The following QKI variants were observed in gnomAD, a reference collection of about 807,000 sequenced individuals.
The protein encoded by QKI is QKI, KH domain containing RNA binding.
QKI carries 10 observed loss-of-function variants against 39.0 expected under a neutral mutation model. The ratio of observed to expected loss-of-function variants is 0.26; its 90% confidence interval spans 0.16 to 0.43. QKI has a LOEUF of 0.43. QKI is among the 20% of genes least tolerant of loss of function. QKI has a pLI of 1.00. For synonymous variants in QKI, 204 were observed against 155.4 expected, an observed-to-expected ratio of 1.31 and a Z score of -2.33; for missense variants, 218 against 428.0, an observed-to-expected ratio of 0.51 and a Z score of 4.33.
At chr6:163,539,222 G>A (rs1349176023) in intron 4 of QKI, among the ~76,000 whole-genome samples, 2 of 152,158 alleles carry the variant, frequency 1.3e-5, no homozygotes, top group Non-Finnish European at 2.9e-5. Context: ...GCCAGTCCTG[G>A]AAGTCATGCT....
At chr6:163,473,005 TAAATG>T (rs1792320282) in intron 2 of QKI, among the ~76,000 whole-genome samples, 1 of 151,942 alleles carries the variant, frequency 6.6e-6, no homozygotes, top group Admixed American at 6.6e-5. Flanking sequence ...AGGAAGGAAA[TAAATG>T]AAGAGTAGAA....
intron 4 of QKI, among the ~76,000 whole-genome samples, chr6:163,548,922 G>C (rs1782049333): frequency 6.6e-6 from 1 of 152,204 alleles, no homozygotes; most frequent in Non-Finnish European, 1.5e-5. Context: ...TGGATGTGGT[G>C]AATGGTGATT....
intron 3 of QKI, among the ~76,000 whole-genome samples, chr6:163,510,873 C>A (rs974941043): frequency 5.3e-5 from 8 of 150,524 alleles, no homozygotes; most frequent in Non-Finnish European, 8.9e-5. Context: ...CTTTCAGCAA[C>A]TAATAAAAAA....
chr6:163,533,173 G>A (rs1780974202), intron 3 of QKI, among the ~76,000 whole-genome samples: 1 of 151,660 alleles, frequency 6.6e-6, no homozygotes, highest in Non-Finnish European at 1.5e-5. Flanking sequence ...ACAAATTTTG[G>A]TGAGAAAATA....
At chr6:163,562,136 T>C in intron 5 of QKI, 67 bp downstream of exon 5, 1 of 1,183,752 alleles carries the variant, frequency 8.4e-7, no homozygotes, top group East Asian at 2.4e-5. Context: ...ACTTTTTTCC[T>C]TTTGGCAACA....
chr6:163,475,220 C>T (rs1439528902), intron 2 of QKI, among the ~76,000 whole-genome samples: 3 of 152,044 alleles, frequency 2.0e-5, no homozygotes, highest in African/African-American at 7.2e-5. Flanking sequence ...CAAAACAGAC[C>T]TAAGTACTGT....
chr6:163,528,415 G>A (rs978706370), intron 3 of QKI, among the ~76,000 whole-genome samples: 2 of 152,092 alleles, frequency 1.3e-5, no homozygotes, highest in Non-Finnish European at 2.9e-5. Context: ...GTTGTTGAGG[G>A]TGCATGCTGT....
chr6:163,426,267 A>C (rs190272640), intron 1 of QKI, among the ~76,000 whole-genome samples: 1 of 146,954 alleles, frequency 6.8e-6, no homozygotes, highest in Admixed American at 6.7e-5. Context: ...TTCAAATGAC[A>C]TTGATTTAAC....
At position 163,445,913 on chromosome 6, in the gene QKI, C is replaced by T. The variant is rs146211900; in HGVS notation, c.143-9366C>T. ...ACAGGCGTGAGCCATCGAGCCCGAC[C>T]GTTGTGGGGTATATGTCTTAATACT... On this transcript the variant is annotated intron_variant, in intron 1 of 7. Coordinates refer to ENST00000361752, the MANE Select transcript of QKI (RefSeq NM_006775.3). 2.2e-4 allele frequency among the ~76,000 whole-genome samples: 33 copies of T among 152,268 alleles called. No individual in the cohort carries two copies. In the South Asian group the frequency reaches 4.8e-3, roughly 22 times the overall value.
rs113439188 is a variant in QKI at position 163,455,368 on chromosome 6, C to T, written c.232C>T (p.Pro78Ser). ...RSAELPDAVG[P>S]IVQLQEKLYV... ...TGCAGAATTGCCTGATGCTGTGGGACCTATTGTTCAGTTACAAGAGAAACT... is the reference window on the plus strand; with the variant it reads ...TGCAGAATTGCCTGATGCTGTGGGATCTATTGTTCAGTTACAAGAGAAACT... Residue 78 changes from proline to serine, a missense_variant, in exon 2 of 8, where the codon CCT (proline) becomes TCT (serine). Coordinates refer to ENST00000361752, the MANE Select transcript of QKI (RefSeq NM_006775.3). The T allele has an allele frequency of 1.2e-6, 2 of 1,612,712 alleles. No homozygotes were observed. The highest frequency in any genetic ancestry group is 1.7e-6 in the Non-Finnish European group (2 of 1,178,898).
chr6:163,571,051 A>ACCT lies in QKI; in HGVS notation c.*342_*343insCTC, dbSNP rs1485063757. On this transcript the variant is annotated 3_prime_UTR_variant, in exon 8 of 8. Coordinates refer to ENST00000361752, the MANE Select transcript of QKI (RefSeq NM_006775.3). Reference sequence around the variant, plus strand: ...AGAAGGCCTCTCTTAAGAAGGGGAGACAGATGGTCCTTAACTACTCAATGA... The same window carrying ACCT: ...AGAAGGCCTCTCTTAAGAAGGGGAGACCTCAGATGGTCCTTAACTACTCAATGA... 5.2e-6 allele frequency: 1 copy of ACCT among 194,060 alleles called. No individual in the cohort carries two copies. The highest frequency in any genetic ancestry group is 1.0e-5 in the Non-Finnish European group (1 of 95,716). 12.0% of individuals were successfully genotyped at this position (194,060 alleles called of 1,614,324 possible). A position where few individuals can be genotyped will look rare whatever the true frequency, so the allele number is the denominator to read the frequency against.
At chr6:163,432,058 G>C (rs1006592033) in intron 1 of QKI, among the ~76,000 whole-genome samples, 4 of 152,166 alleles carry the variant, frequency 2.6e-5, no homozygotes, top group African/African-American at 9.7e-5. Context: ...CTTTGGGCCT[G>C]ATCCCCTCTA....
chr6:163,518,051 A>T (rs1231347503), intron 3 of QKI, among the ~76,000 whole-genome samples: 1 of 152,090 alleles, frequency 6.6e-6, no homozygotes, highest in East Asian at 1.9e-4. Flanking sequence ...ACTCCTTTTA[A>T]TATTTATTGT....
At chr6:163,507,059 A>G (rs1779145397) in intron 3 of QKI, among the ~76,000 whole-genome samples, 1 of 152,184 alleles carries the variant, frequency 6.6e-6, no homozygotes, top group Non-Finnish European at 1.5e-5. Context: ...AACATGAGTA[A>G]TGGGCATTGA....
At position 163,415,331 on chromosome 6, in the gene QKI, C is replaced by T. The variant is rs747281767; in HGVS notation, c.138C>T (p.Asp46=). 6.3e-7 allele frequency: 1 copy of T among 1,581,892 alleles called. No homozygotes were observed. The highest frequency in any genetic ancestry group is 1.1e-5 in the South Asian group (1 of 89,898). The change falls in exon 1 of 8, where the codon GAC becomes GAT. Residue 46 remains aspartate, a synonymous_variant. Transcript: ENST00000361752. The part of the protein sequence containing the change: ...GIFNHLERLL[D]EEISRVRKDM... ...TCAACCACCTCGAGCGGCTGCTGGA[C>T]GAAGGTGAGCGTCTCCAGGGCCCCG...
At chr6:163,457,128 C>T (rs1790980777) in intron 2 of QKI, among the ~76,000 whole-genome samples, 1 of 152,110 alleles carries the variant, frequency 6.6e-6, no homozygotes, top group South Asian at 2.1e-4. Context: ...TAGCAACTGT[C>T]TGTTTTGCTT....
At chr6:163,425,246 C>T (rs574922581) in intron 1 of QKI, among the ~76,000 whole-genome samples, 4 of 152,152 alleles carry the variant, frequency 2.6e-5, no homozygotes, top group African/African-American at 7.2e-5. Flanking sequence ...GCATTGCCAG[C>T]ACCATGGTGA....
intron 2 of QKI, among the ~76,000 whole-genome samples, chr6:163,478,286 G>A (rs565196463): frequency 7.9e-5 from 12 of 152,226 alleles, no homozygotes; most frequent in African/African-American, 2.4e-4. Context: ...CATAGTTTTC[G>A]TAACATATTT....
At chr6:163,489,831 T>C (rs1777939698) in intron 3 of QKI, among the ~76,000 whole-genome samples, 1 of 152,184 alleles carries the variant, frequency 6.6e-6, no homozygotes, top group Admixed American at 6.5e-5. Context: ...ATATAATTTT[T>C]ATGTCTTGGG....
Sources: gnomAD v4.1 joint callset for allele counts (sites outside exome capture counted in the v4.1 genomes callset) on GRCh38, gnomAD v4.1.1 for gene constraint, MANE v1.5 for transcripts, NCBI Gene and HGNC (gene_info 2026-07-23, HGNC 2026-07-21) for gene names.